The following BTBD2 variants were observed in gnomAD, a reference collection of about 807,000 sequenced individuals.
BTBD2 encodes the protein BTB/POZ domain-containing protein 2.
In BTBD2, 15 loss-of-function variants were observed where a neutral mutation model predicts 44.0. The observed-to-expected ratio is 0.34, with a 90% CI of 0.23 to 0.53. BTBD2 has a LOEUF of 0.53. Ranked by LOEUF, BTBD2 falls within the 20% of genes least tolerant of loss-of-function variation. The pLI, the probability that BTBD2 is intolerant of heterozygous loss-of-function variation, is 0.95. For missense variants in BTBD2, 657 were observed against 746.4 expected (o/e 0.88, Z 1.39); for synonymous variants, 443 against 335.9 (o/e 1.32, Z -3.49).
At chr19:2,006,539 A>G (rs2016397482) in intron 1 of BTBD2, among the ~76,000 whole-genome samples, 1 of 151,264 alleles carries the variant, frequency 6.6e-6, no homozygotes, top group Non-Finnish European at 1.5e-5. Context: ...AAAATCACCC[A>G]ACTTTATGTC....
Position 1,987,182 on chromosome 19 carries a change from T to C in BTBD2, c.1253A>G (p.Tyr418Cys). Residue 418 changes from tyrosine (Y) to cysteine (C), a missense_variant, in exon 7 of 9, where the codon TAC becomes TGC. Tyr to Cys is a radical substitution (Grantham distance 194). Coordinates refer to ENST00000255608, the MANE Select transcript of BTBD2 (RefSeq NM_017797.4). ...LYGSIHGPTD[Y>C]QVNIQIIHTD... Reference sequence around the variant, plus strand: ...GGCTGGTACCTGGATGTTCACTTGGTAGTCGGTGGGCCCGTGGATGGATCC... The same window carrying C: ...GGCTGGTACCTGGATGTTCACTTGGCAGTCGGTGGGCCCGTGGATGGATCC... 6.2e-7 allele frequency: 1 copy of C among 1,613,692 alleles called. No individual in the cohort carries two copies. Among genetic ancestry groups the C allele is most frequent in the East Asian group, 2.2e-5 (1 of 44,872 alleles).
chr19:1,996,545 C>CA (rs111933486), intron 2 of BTBD2, among the ~76,000 whole-genome samples: 2,885 of 99,250 alleles, frequency 0.029, 54 homozygotes, highest in Middle Eastern at 0.05. Context: ...GCAAAACTGT[C>CA]AAAAAAAAAA....
chr19:1,987,886 G>T, intron 5 of BTBD2, 194 bp from the exon 6 acceptor site: 1 of 599,446 alleles, frequency 1.7e-6, no homozygotes, highest in South Asian at 2.1e-5. Context: ...AGGTCCCAGG[G>T]CACAGACCAG....
In BTBD2 at chr19:2,015,305, G is replaced by C; in HGVS notation, c.399C>G (p.Pro133=). The change falls in exon 1 of 9, where the codon CCC becomes CCG. Residue 133 remains proline (P), a synonymous_variant. Coordinates refer to ENST00000255608, the MANE Select transcript of BTBD2 (RefSeq NM_017797.4). ...VGKGLSSQRI[P]AHRFVLAVGS... is the part of the protein sequence containing the mutation. ...GGGGTCGGGGCGCCCACCTGTGCGC[G>C]GGGATGCGCTGCGAGCTGAGCCCCT... 1 of 1,560,946 alleles carries C rather than the reference G, an allele frequency of 6.4e-7. No individual in the cohort carries two copies. Among genetic ancestry groups the C allele is most frequent in the Non-Finnish European group, 8.6e-7 (1 of 1,160,606 alleles).
chr19:2,010,435 G>A (rs1357531595), intron 1 of BTBD2, among the ~76,000 whole-genome samples: 3 of 152,090 alleles, frequency 2.0e-5, no homozygotes, highest in East Asian at 1.9e-4. Context: ...ACCCCTGCGC[G>A]ACGGTCCAGA....
At chr19:1,997,594 C>T (rs2055510630) in intron 1 of BTBD2, 131 bp from the exon 2 acceptor site, 1 of 1,349,120 alleles carries the variant, frequency 7.4e-7, no homozygotes, top group Middle Eastern at 2.5e-4. Flanking sequence ...TGTACCAGGC[C>T]CCCCGATGGC....
At chr19:1,996,545 CAAAAAA>C (rs111933486) in intron 2 of BTBD2, among the ~76,000 whole-genome samples, 2 of 99,322 alleles carry the variant, frequency 2.0e-5, no homozygotes, top group Non-Finnish European at 4.2e-5. Context: ...GCAAAACTGT[CAAAAAA>C]AAAAAAAAAA....
chr19:1,993,995 CAAAAAAAAAA>C (rs542137742), intron 2 of BTBD2, among the ~76,000 whole-genome samples: 6 of 24,938 alleles, frequency 2.4e-4, no homozygotes, highest in South Asian at 6.9e-3. Context: ...GAATCCGTCT[CAAAAAAAAAA>C]AAAAAAAAAA....
chr19:2,013,282 G>A (rs563255059), intron 1 of BTBD2, among the ~76,000 whole-genome samples: 2 of 152,328 alleles, frequency 1.3e-5, no homozygotes, highest in Non-Finnish European at 2.9e-5. Context: ...CCAATGAGGG[G>A]CAGGGTAAGA....
chr19:2,015,187 T>TGCGGGGGTCTCGGGGAC (rs2016517780), intron 1 of BTBD2, 110 bp downstream of exon 1: 25 of 1,138,890 alleles, frequency 2.2e-5, no homozygotes, highest in Non-Finnish European at 2.6e-5. Flanking sequence ...GGCTCGGGGA[T>TGCGGGGGTCTCGGGGAC]GGAGGGGTGC....
intron 1 of BTBD2, among the ~76,000 whole-genome samples, chr19:2,001,489 T>C (rs1459160015): frequency 6.6e-6 from 1 of 151,730 alleles, no homozygotes; most frequent in Non-Finnish European, 1.5e-5. Flanking sequence ...TGAGACTCCA[T>C]CTCAAAAAGA....
At chr19:2,011,864 T>C (rs2016468692) in intron 1 of BTBD2, among the ~76,000 whole-genome samples, 2 of 150,598 alleles carry the variant, frequency 1.3e-5, no homozygotes, top group African/African-American at 2.4e-5. Context: ...TTTTTTTCCT[T>C]TTTTTTTTGA....
chr19:2,004,796 T>C (rs144188218), intron 1 of BTBD2, among the ~76,000 whole-genome samples: 2,944 of 150,016 alleles, frequency 0.02, 127 homozygotes, highest in African/African-American at 0.069. Flanking sequence ...CTCGGCAACA[T>C]AGAAAGACCC....
At chr19:1,992,185 C>G (rs951651947) in intron 3 of BTBD2, 1 of 152,080 alleles carries the variant, frequency 6.6e-6, no homozygotes, top group African/African-American at 2.4e-5. Flanking sequence ...CTCAACCTCC[C>G]GGGCTCAGGC....
chr19:1,990,548 C>G (rs574968055), intron 4 of BTBD2, among the ~76,000 whole-genome samples, 169 bp downstream of exon 4: 19 of 152,192 alleles, frequency 1.2e-4, no homozygotes, highest in Non-Finnish European at 2.2e-4. Flanking sequence ...GCCAAGGCCC[C>G]GGACTCCCGT....
Position 1,986,385 on chromosome 19 carries a change from A to C in BTBD2, c.*103T>G, listed in dbSNP as rs1599344405. 1 of 1,409,558 alleles carries C rather than the reference A, an allele frequency of 7.1e-7. No homozygotes were observed. The highest frequency in any genetic ancestry group is 2.3e-5 in the East Asian group (1 of 43,558). The allele number at this position is 1,409,558 out of a possible 1,614,324, so 87.3% of individuals were successfully genotyped here. ...ATGGAGTGGACAGACGGCCTGGGGGACACTGGGCCTGGCACCGCGTGGTGG... is the reference window on the plus strand; with the variant it reads ...ATGGAGTGGACAGACGGCCTGGGGGCCACTGGGCCTGGCACCGCGTGGTGG... On this transcript the variant is annotated 3_prime_UTR_variant, in exon 9 of 9. Transcript: ENST00000255608.
chr19:1,999,421 T>C (rs980583652), intron 1 of BTBD2, among the ~76,000 whole-genome samples: 1 of 152,130 alleles, frequency 6.6e-6, no homozygotes, highest in East Asian at 1.9e-4. Context: ...CATCCCAGCA[T>C]GTGGGAGACC....
At position 2,004,805 on chromosome 19, in the gene BTBD2, C is replaced by T. The variant is rs146552305; in HGVS notation, c.408-7342G>A. ...ACCAGCCTCGGCAACATAGAAAGAC[C>T]CCATCTCTACAAAAAAAAAATTATT... On this transcript the variant is annotated intron_variant, in intron 1 of 8. Coordinates refer to ENST00000255608, the MANE Select transcript of BTBD2 (RefSeq NM_017797.4). Among the ~76,000 whole-genome samples, 442 of 150,916 alleles carry T rather than the reference C, an allele frequency of 2.9e-3. 3 individuals are homozygous for T. Among genetic ancestry groups the T allele is most frequent in the African/African-American group, 0.01 (424 of 40,990 alleles).
At chr19:1,995,839 T>C (rs10853958) in intron 2 of BTBD2, among the ~76,000 whole-genome samples, 60,703 of 151,616 alleles carry the variant, frequency 0.4, 13,140 homozygotes, top group African/African-American at 0.56. Context: ...CTATTTTTAA[T>C]AGAGACGAGG....
Sources: gnomAD v4.1 joint callset for allele counts (sites outside exome capture counted in the v4.1 genomes callset) on GRCh38, gnomAD v4.1.1 for gene constraint, MANE v1.5 for transcripts, NCBI Gene and HGNC (gene_info 2026-07-23, HGNC 2026-07-21) for gene names.